MYBPC2: variants seen among roughly 807,000 people sequenced by gnomAD.
MYBPC2 encodes the protein myosin binding protein C2, also known as myosin-binding protein C, fast-type.
MYBPC2 carries 122 observed loss-of-function variants against 137.0 expected under a neutral mutation model. The observed-to-expected ratio is 0.89, with a 90% CI of 0.77 to 1.03. MYBPC2 has a LOEUF of 1.03. MYBPC2 is among the 50% of genes least tolerant of loss of function. MYBPC2 has a pLI of 0.00. For missense variants in MYBPC2, 1,500 were observed against 1,534.4 expected (o/e 0.98, Z 0.37); for synonymous variants, 626 against 612.3 (o/e 1.02, Z -0.33).
chr19:50,466,066 C>A lies in MYBPC2; in HGVS notation c.3416-129C>A. 1 of 1,329,390 alleles carries A rather than the reference C, an allele frequency of 7.5e-7. No individual in the cohort carries two copies. The highest frequency in any genetic ancestry group is 1.0e-6 in the Non-Finnish European group (1 of 958,916). 82.3% of individuals were successfully genotyped at this position (1,329,390 alleles called of 1,614,324 possible). On this transcript the variant is annotated intron_variant, in intron 27 of 27. Transcript: ENST00000357701. This position sits in a 1 kb window ranked among gnomAD's most constrained non-coding sequence, Gnocchi z 4.9. ...CTCTGGGTTGTCCAGCCACAGTGGC[C>A]TAGGATGGGGCGGGATGGTGACCGT...
rs147532204 is a variant in MYBPC2 at position 50,446,184 on chromosome 19, C to G, written c.1306+132C>G. The stretch of plus-strand genomic sequence containing the variant: ...TCCCACACACCCTATGTTCAGCCCA[C>G]CAGGGAGATCTGATGGCTCCAGCTT... On this transcript the variant is annotated intron_variant, in intron 12 of 27. Transcript: ENST00000357701. The G allele has an allele frequency of 8.1e-5, 90 of 1,108,640 alleles. 1 individual carries two copies. In the African/African-American group the frequency reaches 1.3e-3, roughly 16 times the overall value. 68.7% of individuals were successfully genotyped at this position (1,108,640 alleles called of 1,614,324 possible).
Position 50,441,074 on chromosome 19 carries a change from C to A in MYBPC2, c.767C>A (p.Ala256Glu). 1 of 1,586,630 alleles carries A rather than the reference C, an allele frequency of 6.3e-7. No homozygotes were observed. The highest frequency in any genetic ancestry group is 8.6e-7 in the Non-Finnish European group (1 of 1,166,954). The change falls in exon 8 of 28, where the codon GCA becomes GAA. Residue 256 changes from alanine to glutamate, a missense_variant and splice_region_variant. Transcript: ENST00000357701. ...GCTAAGGTCGAGGTCAAGAAGAGTG[C>A]AGGTCAGCCCTGGTCTGGGGGGAGC... ...KKAKVEVKKSAAFTKKLDPAY... is the reference protein window; with the variant it reads ...KKAKVEVKKSEAFTKKLDPAY...
intron 7 of MYBPC2, among the ~76,000 whole-genome samples, chr19:50,438,276 AGGTGGATGGATAACG>A (rs1170976956): frequency 6.6e-6 from 1 of 152,160 alleles, no homozygotes; most frequent in Non-Finnish European, 1.5e-5. Flanking sequence ...CTACATGGGT[AGGTGGATGGATAACG>A]GGTGAATGGG....
At chr19:50,444,879 C>CAA (rs34557075) in intron 11 of MYBPC2, among the ~76,000 whole-genome samples, 141 of 66,950 alleles carry the variant, frequency 2.1e-3, no homozygotes, top group Non-Finnish European at 2.7e-3. Flanking sequence ...GACTCCGTCT[C>CAA]AAAAAAAAAA....
intron 20 of MYBPC2, among the ~76,000 whole-genome samples, chr19:50,458,003 C>T (rs914270126): frequency 6.6e-6 from 1 of 151,470 alleles, no homozygotes; most frequent in African/African-American, 2.4e-5. Flanking sequence ...GTTTCCCATC[C>T]TTAACATGGG....
chr19:50,442,091 G>A, intron 8 of MYBPC2, 90 bp from the exon 9 acceptor site: 1 of 1,472,790 alleles, frequency 6.8e-7, no homozygotes, highest in Non-Finnish European at 9.1e-7. Context: ...GAGAGCCCAG[G>A]GCCTGGGGAG....
At chr19:50,461,159 A>G (rs73579874) in intron 24 of MYBPC2, among the ~76,000 whole-genome samples, 4,471 of 151,986 alleles carry the variant, frequency 0.029, 230 homozygotes, top group African/African-American at 0.1. Context: ...GCTGGCCACC[A>G]GACCTGGCTA....
Position 50,451,922 on chromosome 19 carries a change from T to G in MYBPC2, c.1668T>G (p.Val556=). The stretch of plus-strand genomic sequence containing the variant: ...AGACCTCAGAGAATGCGATTGTGGT[T>G]GTGGCTGGAAACAAGCTGAGGCTTG... ...SGKTSENAIV[V]VAGNKLRLDV... is the part of the protein sequence containing the mutation. The change falls in exon 16 of 28, where the codon GTT becomes GTG. Residue 556 remains valine (V), a synonymous_variant. Coordinates refer to ENST00000357701, the MANE Select transcript of MYBPC2 (RefSeq NM_004533.4). The G allele has an allele frequency of 6.3e-7, 1 of 1,580,444 alleles. No homozygotes were observed. The highest frequency in any genetic ancestry group is 1.2e-5 in the South Asian group (1 of 86,052).
At position 50,435,067 on chromosome 19, in the gene MYBPC2, G is replaced by A; in HGVS notation, c.20-94G>A. Reference sequence around the variant, plus strand: ...GGGGCCTGGACTCCTGGGTCTGAGGGAGGAGGGGCTGGGGGGTCTGGACTC... The same window carrying A: ...GGGGCCTGGACTCCTGGGTCTGAGGAAGGAGGGGCTGGGGGGTCTGGACTC... On this transcript the variant is annotated intron_variant, in intron 1 of 27. Coordinates refer to ENST00000357701, the MANE Select transcript of MYBPC2 (RefSeq NM_004533.4). This position sits in a 1 kb window ranked among gnomAD's most constrained non-coding sequence, Gnocchi z 4.8. The A allele has an allele frequency of 4.3e-6, 3 of 700,760 alleles. No homozygotes were observed. The highest frequency in any genetic ancestry group is 1.5e-5 in the South Asian group (1 of 66,750). 43.4% of individuals were successfully genotyped at this position (700,760 alleles called of 1,614,324 possible). A position where few individuals can be genotyped will look rare whatever the true frequency, so the allele number is the denominator to read the frequency against.
intron 20 of MYBPC2, among the ~76,000 whole-genome samples, chr19:50,456,258 C>T (rs2039911152): frequency 1.4e-5 from 2 of 141,690 alleles, no homozygotes; most frequent in South Asian, 4.8e-4. Context: ...TCCATCCATC[C>T]ATCCCTCCAT....
At position 50,452,021 on chromosome 19, in the gene MYBPC2, C is replaced by T. The variant is rs186894908; in HGVS notation, c.1749+18C>T. ...GAGATGAGGTGGGTTGGGGCCGCCC[C>T]TCTGTCCTCACTCCCTTTCCGTTTA... is the stretch of plus-strand genomic sequence containing the variant. On this transcript the variant is annotated intron_variant, in intron 16 of 27. Transcript: ENST00000357701. The T allele has an allele frequency of 3.0e-4, 467 of 1,551,106 alleles. No individual in the cohort carries two copies. Among genetic ancestry groups the T allele is most frequent in the Non-Finnish European group, 3.8e-4 (430 of 1,146,304 alleles).
At chr19:50,449,626 C>T (rs1342661299) in intron 13 of MYBPC2, among the ~76,000 whole-genome samples, 3 of 152,244 alleles carry the variant, frequency 2.0e-5, no homozygotes, top group Non-Finnish European at 4.4e-5. Flanking sequence ...GGAAAAGCCT[C>T]TGGCCATATC....
At position 50,458,762 on chromosome 19, in the gene MYBPC2, G is replaced by T; in HGVS notation, c.2506+8G>T. ...CCATCAGGGAGATTGCGGGTGCGTG[G>T]CCCCTGACCCTGCGCTCCGAAAGAC... On this transcript the variant is annotated splice_region_variant and intron_variant, in intron 21 of 27. Transcript: ENST00000357701. 6.2e-7 allele frequency: 1 copy of T among 1,606,518 alleles called. No homozygotes were observed.
chr19:50,438,661 T>C (rs773476576), intron 7 of MYBPC2, among the ~76,000 whole-genome samples: 22 of 151,664 alleles, frequency 1.5e-4, no homozygotes, highest in Non-Finnish European at 2.7e-4. Flanking sequence ...AGCCCAGGAG[T>C]GTAAGACCAG....
At chr19:50,456,514 T>C (rs2039916187) in intron 20 of MYBPC2, among the ~76,000 whole-genome samples, 1 of 149,808 alleles carries the variant, frequency 6.7e-6, no homozygotes, top group Non-Finnish European at 1.5e-5. Context: ...CACTGCAAGC[T>C]CCACCTTCCA....
At chr19:50,455,894 C>T (rs907557709) in intron 20 of MYBPC2, among the ~76,000 whole-genome samples, 2 of 152,142 alleles carry the variant, frequency 1.3e-5, no homozygotes, top group Non-Finnish European at 2.9e-5. Flanking sequence ...CCTTCCATCC[C>T]CCCATTTATC....
At position 50,464,348 on chromosome 19, in the gene MYBPC2, G is replaced by A. The variant is rs78929637; in HGVS notation, c.3231G>A (p.Pro1077=). The A allele has an allele frequency of 2.2e-3, 3,522 of 1,604,030 alleles. 74 individuals are homozygous for A. In the East Asian group the frequency reaches 0.051, roughly 23 times the overall value. ...LNCAVRGHPK[P]KVVWMKNKME... ...TCCTCTCCCTTGACTCTCAACAGCC[G>A]AAGGTGGTCTGGATGAAGAACAAGA... The change falls in exon 27 of 28, where the codon CCG becomes CCA. Residue 1077 remains proline (P), a splice_region_variant and synonymous_variant. Coordinates refer to ENST00000357701, the MANE Select transcript of MYBPC2 (RefSeq NM_004533.4).
At chr19:50,449,846 G>A (rs113976042) in intron 13 of MYBPC2, among the ~76,000 whole-genome samples, 49 of 152,206 alleles carry the variant, frequency 3.2e-4, no homozygotes, top group African/African-American at 1.1e-3. Context: ...GAACCATGCC[G>A]GCTGGTGGTC....
chr19:50,435,327 T>C lies in MYBPC2; in HGVS notation c.109+77T>C. 1.4e-6 allele frequency: 1 copy of C among 702,524 alleles called. No individual in the cohort carries two copies. The allele number at this position is 702,524 out of a possible 1,614,324, so 43.5% of individuals were successfully genotyped here. ...TCCTCGCTACGCCTCTCCAGGCCTTTCCCCAGCCTCTATCCTTGAATCTGT... is the reference window on the plus strand; with the variant it reads ...TCCTCGCTACGCCTCTCCAGGCCTTCCCCCAGCCTCTATCCTTGAATCTGT... On this transcript the variant is annotated intron_variant, in intron 2 of 27. Coordinates refer to ENST00000357701, the MANE Select transcript of MYBPC2 (RefSeq NM_004533.4). The surrounding 1 kb of genome is among the most constrained non-coding windows in gnomAD (Gnocchi z 4.8).
Sources: gnomAD v4.1 joint callset for allele counts (sites outside exome capture counted in the v4.1 genomes callset) on GRCh38, gnomAD v4.1.1 for gene constraint, Gnocchi (gnomAD v3.1) non-coding constraint, MANE v1.5 for transcripts, NCBI Gene and HGNC (gene_info 2026-07-23, HGNC 2026-07-21) for gene names.